Variants in ADK observed in about 807,000 individuals in gnomAD.
The protein encoded by ADK is N6,N6-dimethyladenosine kinase.
A neutral mutation model predicts 44.7 loss-of-function variants in ADK; 24 were observed. The ratio of observed to expected loss-of-function variants is 0.54; its 90% CI spans 0.39 to 0.76. ADK has a LOEUF of 0.76. Ranked by LOEUF, ADK falls within the 30% of genes least tolerant of loss-of-function variation. ADK has a pLI of 0.00. For synonymous variants in ADK, 128 were observed against 142.6 expected, an observed-to-expected ratio of 0.90 and a Z score of 0.73; for missense variants, 321 against 425.1, an observed-to-expected ratio of 0.76 and a Z score of 2.15.
chr10:74,451,360 A>G (rs910411085), intron 6 of ADK, among the ~76,000 whole-genome samples: 1 of 152,018 alleles, frequency 6.6e-6, no homozygotes, highest in Non-Finnish European at 1.5e-5. Flanking sequence ...AAAGCAGTGT[A>G]TTTACTTTTC....
At chr10:74,438,214 G>A (rs1845251862) in intron 6 of ADK, among the ~76,000 whole-genome samples, 1 of 150,422 alleles carries the variant, frequency 6.6e-6, no homozygotes, top group South Asian at 2.1e-4. Context: ...AGAAGGTAAG[G>A]TCCTTGCCTC....
chr10:74,693,950 G>A (rs1477389010), intron 10 of ADK, among the ~76,000 whole-genome samples: 1 of 152,068 alleles, frequency 6.6e-6, no homozygotes, highest in Non-Finnish European at 1.5e-5. Flanking sequence ...ACATCACTTA[G>A]CTGAAACTCT....
rs1056756800 is a variant in ADK at position 74,371,999 on chromosome 10, C to T, written c.274-22142C>T. ...TGTGTAACACAGATTCTCCTCTGCA[C>T]TTTGTGGACATTGCCATTCTATGCA... On this transcript the variant is annotated intron_variant, in intron 4 of 10. Transcript: ENST00000539909. 6 of 794,674 alleles carry T rather than the reference C, an allele frequency of 7.6e-6. No homozygotes were observed. In the African/African-American group the frequency reaches 8.4e-5, roughly 11 times the overall value. 49.2% of individuals were successfully genotyped at this position (794,674 alleles called of 1,614,324 possible). A position where few individuals can be genotyped will look rare whatever the true frequency, so the allele number is the denominator to read the frequency against.
At position 74,197,887 on chromosome 10, in the gene ADK, A is replaced by G. The variant is rs1478771121; in HGVS notation, c.66-2877A>G. On this transcript the variant is annotated intron_variant, in intron 1 of 10. Transcript: ENST00000539909. ...TTCAAAGGTTTGACTTCTTAAAAAG[A>G]GGTGTAACAATTATATTCCTTAAAA... Among the ~76,000 whole-genome samples, 5 of 152,156 alleles carry G rather than the reference A, an allele frequency of 3.3e-5. No individual in the cohort carries two copies. The East Asian group carries it at 9.6e-4, about 29-fold the overall frequency.
At chr10:74,443,318 G>C (rs1301539962) in intron 6 of ADK, among the ~76,000 whole-genome samples, 1 of 152,096 alleles carries the variant, frequency 6.6e-6, no homozygotes, top group Non-Finnish European at 1.5e-5. Context: ...CAAGAAAATT[G>C]AAAGAAAAAT....
At chr10:74,655,919 C>T (rs1854471846) in intron 9 of ADK, 1 of 683,908 alleles carries the variant, frequency 1.5e-6, no homozygotes, top group Non-Finnish European at 2.8e-6. Context: ...GTCAGGTTGG[C>T]AAGCTGCCCA....
intron 6 of ADK, among the ~76,000 whole-genome samples, chr10:74,401,025 T>G (rs1843688510): frequency 6.6e-6 from 1 of 152,224 alleles, no homozygotes; most frequent in African/African-American, 2.4e-5. Context: ...GCCAAGATCT[T>G]TTAAAATTTA....
At chr10:74,156,885 A>G (rs1841761839) in intron 1 of ADK, among the ~76,000 whole-genome samples, 1 of 152,352 alleles carries the variant, frequency 6.6e-6, no homozygotes, top group South Asian at 2.1e-4. Flanking sequence ...AAAGATATAG[A>G]TATACTCAAG....
intron 7 of ADK, among the ~76,000 whole-genome samples, chr10:74,567,681 G>GTTTT (rs201299444): frequency 2.3e-5 from 3 of 129,606 alleles, no homozygotes; most frequent in South Asian, 2.5e-4. Context: ...CTCTCTCTCT[G>GTTTT]TTTTTTTTGT....
intron 3 of ADK, among the ~76,000 whole-genome samples, chr10:74,229,778 T>C (rs1844684561): frequency 6.6e-6 from 1 of 152,148 alleles, no homozygotes; most frequent in Non-Finnish European, 1.5e-5. Flanking sequence ...GGCTTGTGCC[T>C]ATAATCCCAG....
chr10:74,585,975 A>G (rs915586951), intron 7 of ADK, among the ~76,000 whole-genome samples: 1 of 152,102 alleles, frequency 6.6e-6, no homozygotes. Context: ...CCCACCAACT[A>G]TGCCTATTCT....
intron 3 of ADK, among the ~76,000 whole-genome samples, chr10:74,275,390 T>G (rs1846634966): frequency 6.6e-6 from 1 of 152,074 alleles, no homozygotes; most frequent in South Asian, 2.1e-4. Context: ...AGTGCCAGTC[T>G]TTGGGGGTGT....
At chr10:74,323,719 C>T (rs898842052) in intron 4 of ADK, among the ~76,000 whole-genome samples, 11 of 150,646 alleles carry the variant, frequency 7.3e-5, no homozygotes, top group Non-Finnish European at 1.3e-4. Context: ...TACAGGCACC[C>T]GCCACTGCAC....
At chr10:74,284,729 G>A (rs1328613234) in intron 3 of ADK, among the ~76,000 whole-genome samples, 1 of 152,192 alleles carries the variant, frequency 6.6e-6, no homozygotes, top group African/African-American at 2.4e-5. Flanking sequence ...CAAATGAGGT[G>A]CCAAATCTTG....
At chr10:74,378,050 A>C (rs1254834887) in intron 4 of ADK, among the ~76,000 whole-genome samples, 1 of 148,244 alleles carries the variant, frequency 6.7e-6, no homozygotes, top group African/African-American at 2.5e-5. Context: ...TCTGTGCCTC[A>C]GTTTTTTTTT....
At chr10:74,358,320 T>G (rs1842211923) in intron 4 of ADK, among the ~76,000 whole-genome samples, 1 of 152,242 alleles carries the variant, frequency 6.6e-6, no homozygotes, top group African/African-American at 2.4e-5. Context: ...GGGAAATGCA[T>G]TAACTTAGCA....
intron 4 of ADK, chr10:74,371,450 A>C (rs1842655005): frequency 3.2e-6 from 2 of 627,904 alleles, no homozygotes; most frequent in Non-Finnish European, 2.8e-6. Context: ...TAGAAGTAAT[A>C]AATGGCTTTT....
chr10:74,297,849 C>T (rs972793606), intron 3 of ADK, among the ~76,000 whole-genome samples: 4 of 152,204 alleles, frequency 2.6e-5, no homozygotes, highest in African/African-American at 9.7e-5. Flanking sequence ...AGAATTGAGT[C>T]GTTGCAACAC....
chr10:74,666,090 A>G (rs540784353), intron 9 of ADK, among the ~76,000 whole-genome samples: 6 of 152,332 alleles, frequency 3.9e-5, no homozygotes, highest in Admixed American at 3.9e-4. Flanking sequence ...ATTATTGTTC[A>G]ATTAGATATT....
Sources: allele counts gnomAD v4.1 joint callset (sites outside exome capture counted in the v4.1 genomes callset), GRCh38; gene constraint gnomAD v4.1.1; transcripts MANE v1.5; gene names NCBI Gene and HGNC (gene_info 2026-07-23, HGNC 2026-07-21).